Variants in ASTN2 observed in about 807,000 individuals in gnomAD.
The protein encoded by ASTN2 is astrotactin 2, also known as astrotactin-2.
Under a neutral mutation model 139.8 loss-of-function variants are expected in ASTN2, and 54 were observed. That is an observed-to-expected ratio of 0.39 (90% CI 0.31 to 0.48). The LOEUF is 0.48. ASTN2 is among the 20% of genes least tolerant of loss of function. ASTN2 has a pLI of 0.95. For synonymous variants in ASTN2, 756 were observed against 719.5 expected, an observed-to-expected ratio of 1.05 and a Z score of -0.81; for missense variants, 1,565 against 1,725.1, an observed-to-expected ratio of 0.91 and a Z score of 1.64.
intron 1 of ASTN2, among the ~76,000 whole-genome samples, chr9:117,345,983 C>T (rs1386131504): frequency 7.4e-6 from 1 of 134,628 alleles, no homozygotes; most frequent in Non-Finnish European, 1.5e-5. Flanking sequence ...TTTTAATCCT[C>T]ACATTGCCAC....
chr9:116,740,111 G>C (rs115751864), intron 13 of ASTN2, among the ~76,000 whole-genome samples: 2,518 of 152,292 alleles, frequency 0.017, 76 homozygotes, highest in African/African-American at 0.057. Context: ...CTAAGAAAGG[G>C]GTTGGTTAAA....
intron 1 of ASTN2, among the ~76,000 whole-genome samples, chr9:117,346,010 C>CAAAAAA (rs35773511): frequency 1.7e-4 from 16 of 92,336 alleles, no homozygotes; most frequent in African/African-American, 5.7e-4. Context: ...AACTAAGAGG[C>CAAAAAA]AAAAAAAAAA....
chr9:117,093,314 CT>C (rs1828753372), intron 5 of ASTN2, among the ~76,000 whole-genome samples: 1 of 152,178 alleles, frequency 6.6e-6, no homozygotes, highest in Admixed American at 6.5e-5. Context: ...ACCTAAATGC[CT>C]TGCAGGTTTC....
intron 4 of ASTN2, among the ~76,000 whole-genome samples, chr9:117,118,737 T>G (rs562207335): frequency 7.0e-4 from 107 of 152,298 alleles, no homozygotes; most frequent in African/African-American, 2.5e-3. Context: ...CCCTTCTCAC[T>G]CACCCTGGTC....
chr9:117,383,674 C>T (rs1465505558), intron 1 of ASTN2, among the ~76,000 whole-genome samples: 1 of 152,032 alleles, frequency 6.6e-6, no homozygotes, highest in Non-Finnish European at 1.5e-5. Flanking sequence ...CAAATGCTAA[C>T]AGAAAGTGGA....
chr9:117,254,589 G>C (rs985263156), intron 2 of ASTN2, among the ~76,000 whole-genome samples: 1 of 152,170 alleles, frequency 6.6e-6, no homozygotes, highest in Admixed American at 6.5e-5. Context: ...GGGCACAGTT[G>C]ACTACCATAA....
chr9:116,738,813 C>T (rs1000601878), intron 13 of ASTN2, among the ~76,000 whole-genome samples: 6 of 152,210 alleles, frequency 3.9e-5, no homozygotes, highest in South Asian at 2.1e-4. Context: ...GAGCCCAGCA[C>T]GCAGTAAGTA....
rs567378057 is a variant in ASTN2 at position 117,085,655 on chromosome 9, G to A, written c.1276+10389C>T. ...GAACTAACTTTTCAGTGCCTGAGCT[G>A]GTTCTGACCACGACTATTTCTGGTC... On this transcript the variant is annotated intron_variant, in intron 5 of 22. Transcript: ENST00000313400. Among the ~76,000 whole-genome samples the A allele has an allele frequency of 3.3e-5, 5 of 152,276 alleles. No individual in the cohort carries two copies. In the South Asian group the frequency reaches 6.2e-4, roughly 19 times the overall value.
chr9:117,237,571 C>T (rs773223652), intron 2 of ASTN2, among the ~76,000 whole-genome samples: 48 of 152,162 alleles, frequency 3.2e-4, no homozygotes, highest in Non-Finnish European at 5.1e-4. Context: ...CCTCCACCTC[C>T]CAGGTTCAAG....
intron 3 of ASTN2, among the ~76,000 whole-genome samples, chr9:117,207,687 C>T (rs563948457): frequency 1.6e-4 from 25 of 152,140 alleles, no homozygotes; most frequent in African/African-American, 5.3e-4. Flanking sequence ...GGCAGGTACG[C>T]CCCCAGGCCA....
intron 16 of ASTN2, among the ~76,000 whole-genome samples, chr9:116,673,987 T>C (rs538113907): frequency 3.3e-5 from 5 of 152,288 alleles, no homozygotes; most frequent in Admixed American, 2.6e-4. Flanking sequence ...TGAACTAACT[T>C]TGGGAGAAAC....
intron 2 of ASTN2, among the ~76,000 whole-genome samples, chr9:117,281,419 G>A (rs1434069466): frequency 2.0e-5 from 3 of 152,206 alleles, no homozygotes. Context: ...GACTGGGAAG[G>A]AGGGAGAAAG....
At chr9:116,877,564 T>C (rs1171966354) in intron 10 of ASTN2, among the ~76,000 whole-genome samples, 1 of 152,220 alleles carries the variant, frequency 6.6e-6, no homozygotes, top group Non-Finnish European at 1.5e-5. Context: ...TAAGATCATA[T>C]GGCAGAGGGG....
intron 20 of ASTN2, among the ~76,000 whole-genome samples, chr9:116,485,466 C>T (rs771744673): frequency 5.3e-5 from 8 of 152,208 alleles, no homozygotes; most frequent in East Asian, 1.9e-4. Context: ...AGGACTTAAT[C>T]GCTCTTAATG....
chr9:116,704,501 G>T (rs139956587), intron 16 of ASTN2, among the ~76,000 whole-genome samples: 24 of 152,178 alleles, frequency 1.6e-4, no homozygotes, highest in African/African-American at 5.3e-4. Flanking sequence ...GCTGTTGTGA[G>T]AATTAAAATA....
At chr9:117,308,792 A>G (rs552530907) in intron 1 of ASTN2, among the ~76,000 whole-genome samples, 1 of 152,114 alleles carries the variant, frequency 6.6e-6, no homozygotes, top group African/African-American at 2.4e-5. Context: ...AATAACAAAC[A>G]CTGAGCCCCT....
chr9:117,321,576 T>C (rs1359791747), intron 1 of ASTN2, among the ~76,000 whole-genome samples: 1 of 152,182 alleles, frequency 6.6e-6, no homozygotes, highest in African/African-American at 2.4e-5. Flanking sequence ...AAGTTCACTG[T>C]CATGCATCTC....
intron 4 of ASTN2, among the ~76,000 whole-genome samples, chr9:117,121,804 T>C (rs1406655998): frequency 6.6e-6 from 1 of 152,162 alleles, no homozygotes; most frequent in African/African-American, 2.4e-5. Flanking sequence ...CAGAAGCCGA[T>C]GGGGAAGCCA....
chr9:116,952,161 T>A (rs2132488079), intron 10 of ASTN2, among the ~76,000 whole-genome samples: 1 of 152,338 alleles, frequency 6.6e-6, no homozygotes, highest in East Asian at 1.9e-4. Context: ...GCACTTGACA[T>A]GATTTGAGAG....
Sources: gnomAD v4.1 joint callset for allele counts (sites outside exome capture counted in the v4.1 genomes callset) on GRCh38, gnomAD v4.1.1 for gene constraint, MANE v1.5 for transcripts, NCBI Gene and HGNC (gene_info 2026-07-23, HGNC 2026-07-21) for gene names.